Variants in DOCK3 observed in about 807,000 individuals in gnomAD.
DOCK3 encodes dedicator of cytokinesis 3, also known as dedicator of cytokinesis protein 3.
A neutral mutation model predicts 265.6 loss-of-function variants in DOCK3; 60 were observed. The observed-to-expected ratio is 0.23, with a 90% confidence interval of 0.18 to 0.28. DOCK3 has a LOEUF of 0.28. Ranked by LOEUF, DOCK3 falls within the 10% of genes least tolerant of loss-of-function variation. The pLI is 1.00. For missense variants in DOCK3, 1,981 were observed against 2,594.3 expected (o/e 0.76, Z 5.14); for synonymous variants, 881 against 938.0 (o/e 0.94, Z 1.11).
chr3:51,298,664 T>G (rs1262021074), intron 27 of DOCK3, among the ~76,000 whole-genome samples: 2 of 152,206 alleles, frequency 1.3e-5, no homozygotes, highest in African/African-American at 2.4e-5. Flanking sequence ...CATACAGTAT[T>G]TGGTTTTCTG....
chr3:51,255,450 C>T (rs965480633), intron 22 of DOCK3, among the ~76,000 whole-genome samples: 17 of 152,150 alleles, frequency 1.1e-4, no homozygotes, highest in African/African-American at 4.1e-4. Context: ...TGGATAATAT[C>T]CTAAAGAGTG....
intron 16 of DOCK3, among the ~76,000 whole-genome samples, chr3:51,227,774 T>C (rs1398921681): frequency 6.6e-6 from 1 of 152,200 alleles, no homozygotes; most frequent in African/African-American, 2.4e-5. Context: ...AGCAATTTAG[T>C]TTCTTTTTGG....
At chr3:51,280,336 T>C in intron 27 of DOCK3, 132 bp downstream of exon 27, 1 of 844,314 alleles carries the variant, frequency 1.2e-6, no homozygotes, top group Non-Finnish European at 1.8e-6. Context: ...CAGCCCTGCT[T>C]TACAGCTGAG....
intron 21 of DOCK3, 30 bp downstream of exon 21, chr3:51,237,620 C>T: frequency 6.3e-7 from 1 of 1,581,826 alleles, no homozygotes; most frequent in Non-Finnish European, 8.7e-7. Context: ...ATCATTAGGA[C>T]TCGTGTTTGA....
intron 5 of DOCK3, among the ~76,000 whole-genome samples, chr3:50,995,713 G>T (rs1001123546): frequency 1.3e-5 from 2 of 152,172 alleles, no homozygotes; most frequent in Non-Finnish European, 2.9e-5. Flanking sequence ...GTCAGGAAGA[G>T]AAATTACATC....
rs145240141 is a variant in DOCK3 at position 50,988,344 on chromosome 3, C to T, written c.315+54267C>T. Among the ~76,000 whole-genome samples, 124 of 152,310 alleles carry T rather than the reference C, an allele frequency of 8.1e-4. No homozygotes were observed. The South Asian group carries it at 8.3e-3, about 10-fold the overall frequency. ...TAGCTCCCAATCAGGGACCACCCCC[C>T]CACAACCCCTGTTGGTGTTCTCTGG... On this transcript the variant is annotated intron_variant, in intron 5 of 52. Coordinates refer to ENST00000266037, the MANE Select transcript of DOCK3 (RefSeq NM_004947.5).
intron 40 of DOCK3, among the ~76,000 whole-genome samples, chr3:51,354,330 C>T (rs960868427): frequency 6.6e-6 from 1 of 151,932 alleles, no homozygotes; most frequent in African/African-American, 2.4e-5. Context: ...AACCCTGTCC[C>T]GGGAAGCATA....
At chr3:51,164,938 G>GA (rs2086314980) in intron 12 of DOCK3, among the ~76,000 whole-genome samples, 1 of 104,668 alleles carries the variant, frequency 9.6e-6, no homozygotes, top group Non-Finnish European at 1.8e-5. Context: ...TTGTTTAGGA[G>GA]CCTTTTTTTT....
At chr3:50,883,785 T>C (rs2048183886) in intron 3 of DOCK3, among the ~76,000 whole-genome samples, 2 of 152,170 alleles carry the variant, frequency 1.3e-5, no homozygotes, top group Admixed American at 6.6e-5. Flanking sequence ...ATGAGTGACA[T>C]TTAGTACATG....
Position 51,103,076 on chromosome 3 carries a change from ACT to A in DOCK3, c.746+12695_746+12696del, listed in dbSNP as rs576396325. On this transcript the variant is annotated intron_variant, in intron 9 of 52. Coordinates refer to ENST00000266037, the MANE Select transcript of DOCK3 (RefSeq NM_004947.5). ...GGACTCTTCAAATCAAAATTGTAAAACTCTTTATTAAATGTCTACCTGCTTGT... is the reference window on the plus strand; with the variant it reads ...GGACTCTTCAAATCAAAATTGTAAAACTTTATTAAATGTCTACCTGCTTGT... 3.3e-3 allele frequency among the ~76,000 whole-genome samples: 495 copies of A among 152,150 alleles called. 7 individuals carry two copies. Among genetic ancestry groups the A allele is most frequent in the African/African-American group, 0.011 (449 of 41,500 alleles).
chr3:51,356,009 C>A, intron 41 of DOCK3, 80 bp from the exon 42 acceptor site: 5 of 1,571,302 alleles, frequency 3.2e-6, no homozygotes, highest in Non-Finnish European at 4.4e-6. Flanking sequence ...GTGCACTTCT[C>A]CCCTTTGAGG....
intron 1 of DOCK3, among the ~76,000 whole-genome samples, chr3:50,757,607 T>G (rs2040242464): frequency 6.6e-6 from 1 of 152,172 alleles, no homozygotes; most frequent in Admixed American, 6.5e-5. Context: ...GTCTTTGTAG[T>G]GCAAAAGTTT....
At chr3:50,790,463 A>G (rs201699955) in intron 2 of DOCK3, among the ~76,000 whole-genome samples, 23,024 of 129,556 alleles carry the variant, frequency 0.18, 2,209 homozygotes, top group South Asian at 0.38. Flanking sequence ...TTTTGTTTCA[A>G]TATTTAGAGC....
At chr3:50,794,280 A>T (rs1455487081) in intron 2 of DOCK3, among the ~76,000 whole-genome samples, 1 of 152,170 alleles carries the variant, frequency 6.6e-6, no homozygotes, top group Non-Finnish European at 1.5e-5. Flanking sequence ...CAAGTACTGA[A>T]TACCTTTGTT....
intron 9 of DOCK3, among the ~76,000 whole-genome samples, chr3:51,126,573 A>C (rs985967145): frequency 2.0e-5 from 3 of 152,204 alleles, no homozygotes; most frequent in African/African-American, 7.2e-5. Flanking sequence ...GGAGACAGCA[A>C]AGATGAACTG....
At chr3:51,163,803 A>C (rs975039400) in intron 12 of DOCK3, among the ~76,000 whole-genome samples, 1 of 152,158 alleles carries the variant, frequency 6.6e-6, no homozygotes, top group Non-Finnish European at 1.5e-5. Flanking sequence ...ATTACAGTAT[A>C]TTTTATATTA....
At chr3:50,679,797 G>T (rs1305723238) in intron 1 of DOCK3, among the ~76,000 whole-genome samples, 3 of 152,220 alleles carry the variant, frequency 2.0e-5, no homozygotes, top group Non-Finnish European at 4.4e-5. Context: ...TCCACTAGGG[G>T]TAGGAAAGAT....
intron 19 of DOCK3, among the ~76,000 whole-genome samples, chr3:51,231,855 T>G (rs1028232201): frequency 1.3e-5 from 2 of 152,198 alleles, no homozygotes; most frequent in African/African-American, 4.8e-5. Flanking sequence ...GAATGGTGTT[T>G]CCTAGGTTTT....
chr3:50,841,539 ACTCT>A (rs2045827245), intron 2 of DOCK3, 132 bp from the exon 3 acceptor site: 1 of 310,622 alleles, frequency 3.2e-6, no homozygotes, highest in Admixed American at 4.5e-5. Flanking sequence ...TGCTATGACA[ACTCT>A]AGATCCTAAT....
Sources: allele counts gnomAD v4.1 joint callset (sites outside exome capture counted in the v4.1 genomes callset), GRCh38; gene constraint gnomAD v4.1.1; transcripts MANE v1.5; gene names NCBI Gene and HGNC (gene_info 2026-07-23, HGNC 2026-07-21).